DOCK2: variants seen among roughly 807,000 people sequenced by gnomAD.
DOCK2 encodes the protein dedicator of cytokinesis 2, also known as dedicator of cytokinesis protein 2.
In DOCK2, 87 loss-of-function variants were observed where a neutral mutation model predicts 248.9. The ratio of observed to expected loss-of-function variants is 0.35; its 90% CI spans 0.29 to 0.42. The LOEUF is 0.42. Among genes scored for constraint, DOCK2 ranks in the 10% least tolerant of loss-of-function variants. The pLI is 1.00. For missense variants in DOCK2, 1,747 were observed against 2,300.2 expected, an observed-to-expected ratio of 0.76 and a Z score of 4.92; for synonymous variants, 805 against 821.6, an observed-to-expected ratio of 0.98 and a Z score of 0.35.
chr5:170,008,210 CAACAACAACAACAACAAAA>C (rs1755129720), intron 30 of DOCK2, among the ~76,000 whole-genome samples: 1 of 58,466 alleles, frequency 1.7e-5, no homozygotes. Flanking sequence ...ACAACAACAA[CAACAACAACAACAACAAAA>C]AAAAAAAAAC....
At chr5:169,804,485 T>TGTGTGTGCGC (rs61431388) in intron 26 of DOCK2, among the ~76,000 whole-genome samples, 1 of 68,132 alleles carries the variant, frequency 1.5e-5, no homozygotes, top group African/African-American at 3.3e-5. Context: ...TGTGTGTGTG[T>TGTGTGTGCGC]GCGCGCGCGC....
intron 27 of DOCK2, among the ~76,000 whole-genome samples, chr5:169,934,228 C>T (rs755465839): frequency 2.0e-5 from 3 of 152,284 alleles, no homozygotes; most frequent in Admixed American, 2.0e-4. Context: ...TAACAGTGGA[C>T]TTGGATTGTG....
chr5:169,695,309 G>C (rs917862118), intron 9 of DOCK2: 5 of 160,198 alleles, frequency 3.1e-5, no homozygotes, highest in African/African-American at 1.2e-4. Context: ...AGATATTGGG[G>C]TTGTTAGCAC....
intron 27 of DOCK2, among the ~76,000 whole-genome samples, chr5:169,889,430 T>C (rs1221017485): frequency 6.6e-6 from 1 of 152,232 alleles, no homozygotes; most frequent in Non-Finnish European, 1.5e-5. Flanking sequence ...ATCCCTATTG[T>C]AGCACTAAGA....
intron 1 of DOCK2, among the ~76,000 whole-genome samples, chr5:169,649,908 A>G (rs748415102): frequency 1.6e-3 from 243 of 151,866 alleles, no homozygotes; most frequent in Non-Finnish European, 1.4e-3. Context: ...GGTTCAAGCA[A>G]TTCTCCTGCC....
chr5:170,069,062 C>A, intron 45 of DOCK2, 75 bp from the exon 46 acceptor site: 2 of 1,354,084 alleles, frequency 1.5e-6, no homozygotes, highest in South Asian at 2.5e-5. Context: ...ATTGAATCTT[C>A]TCCCAGTGCC....
At position 170,019,293 on chromosome 5, in the gene DOCK2, C is replaced by T. The variant is rs1012858809; in HGVS notation, c.3381+185C>T. Among the ~76,000 whole-genome samples, 13 of 152,242 alleles carry T rather than the reference C, an allele frequency of 8.5e-5. No individual in the cohort carries two copies. The East Asian group carries it at 2.5e-3, about 29-fold the overall frequency. On this transcript the variant is annotated intron_variant, in intron 33 of 51. Transcript: ENST00000520908. ...TGGTCGGTATTCTATCAAGCTTTTC[C>T]GTCCAAGGACAAGATTAAAATGCAG...
chr5:169,746,267 A>G (rs1763606932), intron 22 of DOCK2, among the ~76,000 whole-genome samples: 1 of 152,268 alleles, frequency 6.6e-6, no homozygotes, highest in South Asian at 2.1e-4. Context: ...AGATAAACAG[A>G]AGAGGCACAC....
At position 169,763,697 on chromosome 5, in the gene DOCK2, A is replaced by G. The variant is rs1279475091; in HGVS notation, c.2554+2072A>G. On this transcript the variant is annotated intron_variant, in intron 25 of 51. Transcript: ENST00000520908. The surrounding 1 kb of genome is among the most constrained non-coding windows in gnomAD (Gnocchi z 4.1). ...AGATTCAGTAGAAACCCTCTGATTA[A>G]TATTAACTGACAGAAGGCCAGCCCT... Among the ~76,000 whole-genome samples, 1 of 152,236 alleles carries G rather than the reference A, an allele frequency of 6.6e-6. No homozygotes were observed. Among genetic ancestry groups the G allele is most frequent in the Non-Finnish European group, 1.5e-5 (1 of 68,040 alleles).
intron 42 of DOCK2, among the ~76,000 whole-genome samples, 181 bp downstream of exon 42, chr5:170,055,567 G>A (rs1757096917): frequency 6.6e-6 from 1 of 152,200 alleles, no homozygotes; most frequent in Admixed American, 6.5e-5. Flanking sequence ...CTCTGCCCCT[G>A]ACAAGGCTGA....
chr5:169,780,929 A>G (rs1360600990), intron 25 of DOCK2, among the ~76,000 whole-genome samples: 2 of 152,246 alleles, frequency 1.3e-5, no homozygotes, highest in African/African-American at 2.4e-5. Flanking sequence ...CACTTCTAAT[A>G]TTATACATTA....
Position 170,030,951 on chromosome 5 carries a change from G to A in DOCK2, c.3467+3003G>A, listed in dbSNP as rs1354462949. ...ACTGCAGCCTTGCATAGGAACACAA[G>A]GTTTAAGGCATGGAGTGGGGCTGAA... is the stretch of plus-strand genomic sequence containing the variant. On this transcript the variant is annotated intron_variant, in intron 34 of 51. Transcript: ENST00000520908. Among the ~76,000 whole-genome samples, 3 of 152,224 alleles carry A rather than the reference G, an allele frequency of 2.0e-5. No individual in the cohort carries two copies. The East Asian group carries it at 5.8e-4, about 29-fold the overall frequency.
chr5:169,788,754 G>A (rs1766142981), intron 25 of DOCK2, among the ~76,000 whole-genome samples: 1 of 152,136 alleles, frequency 6.6e-6, no homozygotes, highest in Non-Finnish European at 1.5e-5. Flanking sequence ...CAAATAATGT[G>A]CAAAATTACT....
At chr5:169,883,829 C>A in intron 27 of DOCK2, 1 of 1,548,346 alleles carries the variant, frequency 6.5e-7, no homozygotes, top group Non-Finnish European at 8.7e-7. Flanking sequence ...GGTTGTTTCA[C>A]AAACTCCACT....
intron 25 of DOCK2, chr5:169,779,492 G>A (rs1478323371): frequency 6.6e-6 from 1 of 152,364 alleles, no homozygotes; most frequent in Non-Finnish European, 1.5e-5. Flanking sequence ...TGAGCTGTTG[G>A]TGGTGGTGTC....
At chr5:169,662,871 TC>T (rs1209191978) in intron 2 of DOCK2, among the ~76,000 whole-genome samples, 1 of 152,076 alleles carries the variant, frequency 6.6e-6, no homozygotes, top group African/African-American at 2.4e-5. Flanking sequence ...CCTTCCCAAA[TC>T]TCATGTCCTT....
At chr5:170,022,203 T>C (rs1755753635) in intron 33 of DOCK2, among the ~76,000 whole-genome samples, 1 of 152,202 alleles carries the variant, frequency 6.6e-6, no homozygotes. Context: ...GGCTTTACTT[T>C]TTGGGAAAGG....
At chr5:169,820,079 G>A (rs905719281) in intron 26 of DOCK2, among the ~76,000 whole-genome samples, 3 of 152,108 alleles carry the variant, frequency 2.0e-5, no homozygotes, top group African/African-American at 7.2e-5. Context: ...GTGGAGGGGC[G>A]CCCGCCATAG....
In DOCK2 at chr5:169,674,290, C is replaced by T. The variant is rs1759206069; in HGVS notation, c.322-7C>T. 1 of 1,613,800 alleles carries T rather than the reference C, an allele frequency of 6.2e-7. No individual in the cohort carries two copies. The highest frequency in any genetic ancestry group is 2.2e-5 in the East Asian group (1 of 44,866). On this transcript the variant is annotated splice_region_variant and splice_polypyrimidine_tract_variant and intron_variant, in intron 5 of 51. Coordinates refer to ENST00000520908, the MANE Select transcript of DOCK2 (RefSeq NM_004946.3). ...CAGGTAATTATGGGTTGTTTCTTGT[C>T]TCCTAGGCCAGCAAAAAGGAGCGTT...
Sources: gnomAD v4.1 joint callset for allele counts (sites outside exome capture counted in the v4.1 genomes callset) on GRCh38, gnomAD v4.1.1 for gene constraint, Gnocchi (gnomAD v3.1) non-coding constraint, MANE v1.5 for transcripts, NCBI Gene and HGNC (gene_info 2026-07-23, HGNC 2026-07-21) for gene names.